Variants in CADPS observed in about 807,000 individuals in gnomAD.
CADPS encodes the protein calcium dependent secretion activator.
CADPS carries 57 observed loss-of-function variants against 167.3 expected under a neutral mutation model. That is an observed-to-expected ratio of 0.34 (90% CI 0.28 to 0.42). The LOEUF (loss-of-function observed/expected upper bound fraction) is 0.42, where lower values mean the gene tolerates loss of function less well. CADPS is among the 20% of genes least tolerant of loss of function. CADPS has a pLI of 1.00. For missense variants in CADPS, 1,414 were observed against 1,738.1 expected (o/e 0.81, Z 3.32); for synonymous variants, 676 against 635.3 (o/e 1.06, Z -0.96).
In CADPS at chr3:62,581,449, T is replaced by TAAAA. The variant is rs549450552; in HGVS notation, c.1577+3732_1577+3735dup. On this transcript the variant is annotated intron_variant, in intron 8 of 29. Transcript: ENST00000383710. ...TAAATTTTGAACCTGGTTAGAAAAT[T>TAAAA]AAAAAAAAAAAAAAAAAAGGAGTTC... 1.0e-3 allele frequency among the ~76,000 whole-genome samples: 121 copies of TAAAA among 121,484 alleles called. 2 individuals carry two copies. The highest frequency in any genetic ancestry group is 5.9e-3 in the South Asian group (23 of 3,900). 79.7% of individuals were successfully genotyped at this position (121,484 alleles called of 152,430 possible). A position where few individuals can be genotyped will look rare whatever the true frequency, so the allele number is the denominator to read the frequency against.
intron 3 of CADPS, among the ~76,000 whole-genome samples, chr3:62,674,314 G>T (rs2076015795): frequency 6.6e-6 from 1 of 152,134 alleles, no homozygotes; most frequent in African/African-American, 2.4e-5. Context: ...TGAGCAACAT[G>T]TCACAAATAT....
chr3:62,778,661 G>C (rs1218305103), intron 1 of CADPS, among the ~76,000 whole-genome samples: 1 of 152,114 alleles, frequency 6.6e-6, no homozygotes, highest in African/African-American at 2.4e-5. Context: ...ACCCACCACA[G>C]ACCCACTCAC....
At position 62,753,536 on chromosome 3, in the gene CADPS, C is replaced by G. The variant is rs771185889; in HGVS notation, c.793G>C (p.Glu265Gln). The part of the protein sequence containing the change: ...QARMTASAAS[E>Q]LILSKEQLYE... ...AGTTGCTCCTTGCTCAGAATCAGCT[C>G]GGAGGCTGCGCTGGCTGTCATCCGG... Residue 265 changes from glutamate (E) to glutamine (Q), a missense_variant, in exon 3 of 30, where the codon GAG (glutamate) becomes CAG (glutamine). Around this residue, in one of 6 missense-constraint regions of CADPS, gnomAD observed 522 missense variants for 559.5 expected, o/e 0.93. Coordinates refer to ENST00000383710, the MANE Select transcript of CADPS (RefSeq NM_003716.4). The surrounding 1 kb of genome is among the most constrained non-coding windows in gnomAD (Gnocchi z 4.6). 2.5e-6 allele frequency: 4 copies of G among 1,613,972 alleles called. No homozygotes were observed. Among genetic ancestry groups the G allele is most frequent in the Admixed American group, 1.7e-5 (1 of 59,980 alleles).
At chr3:62,459,099 G>A (rs770018656) in intron 26 of CADPS, among the ~76,000 whole-genome samples, 2 of 152,200 alleles carry the variant, frequency 1.3e-5, no homozygotes, top group Admixed American at 6.5e-5. Context: ...GGGAGTGGCT[G>A]ATGAAAGAAA....
At chr3:62,832,704 A>G (rs2075295299) in intron 1 of CADPS, among the ~76,000 whole-genome samples, 1 of 152,224 alleles carries the variant, frequency 6.6e-6, no homozygotes, top group South Asian at 2.1e-4. Flanking sequence ...GTGAAAACAC[A>G]AAGCTTTGCT....
intron 3 of CADPS, among the ~76,000 whole-genome samples, chr3:62,688,417 G>A (rs758893445): frequency 1.3e-5 from 2 of 152,062 alleles, no homozygotes; most frequent in Non-Finnish European, 2.9e-5. Context: ...TTGTCTGGAA[G>A]TGGTCAATAA....
intron 1 of CADPS, among the ~76,000 whole-genome samples, chr3:62,782,290 TCCAGCCAG>T (rs1389046604): frequency 6.6e-6 from 1 of 152,150 alleles, no homozygotes; most frequent in Non-Finnish European, 1.5e-5. Flanking sequence ...AATTCATCCA[TCCAGCCAG>T]CCAGCCAGCG....
At chr3:62,606,321 C>T (rs900879473) in intron 6 of CADPS, among the ~76,000 whole-genome samples, 25 of 152,106 alleles carry the variant, frequency 1.6e-4, no homozygotes, top group African/African-American at 6.0e-4. Flanking sequence ...GGACTCTGCC[C>T]ACATCAATAG....
At chr3:62,816,701 G>A (rs989578950) in intron 1 of CADPS, among the ~76,000 whole-genome samples, 1 of 151,674 alleles carries the variant, frequency 6.6e-6, no homozygotes, top group African/African-American at 2.4e-5. Flanking sequence ...AAGAAGTTGT[G>A]TATTCAGAAA....
intron 3 of CADPS, among the ~76,000 whole-genome samples, chr3:62,691,461 A>C (rs565066290): frequency 4.6e-5 from 7 of 152,110 alleles, no homozygotes. Context: ...CTTTCTGCTC[A>C]ATTTTGCTGT....
intron 6 of CADPS, among the ~76,000 whole-genome samples, chr3:62,615,809 A>C (rs569479872): frequency 1.2e-4 from 18 of 152,232 alleles, no homozygotes; most frequent in Non-Finnish European, 1.2e-4. Context: ...ATGATAAGTA[A>C]ATTTGTTGAC....
At chr3:62,589,785 A>G (rs2085507009) in intron 7 of CADPS, among the ~76,000 whole-genome samples, 1 of 152,174 alleles carries the variant, frequency 6.6e-6, no homozygotes, top group African/African-American at 2.4e-5. Context: ...AAGGATTTCA[A>G]TATGTCAGTG....
At chr3:62,481,391 G>C (rs2061992465) in intron 22 of CADPS, among the ~76,000 whole-genome samples, 1 of 152,150 alleles carries the variant, frequency 6.6e-6, no homozygotes, top group African/African-American at 2.4e-5. Flanking sequence ...CCACCAAAGA[G>C]GTTTCCTCCA....
At chr3:62,782,326 T>G (rs2091787348) in intron 1 of CADPS, among the ~76,000 whole-genome samples, 1 of 152,174 alleles carries the variant, frequency 6.6e-6, no homozygotes, top group Non-Finnish European at 1.5e-5. Context: ...CATGCACACA[T>G]CCACCCACCT....
chr3:62,447,494 G>T (rs1465256657), intron 26 of CADPS, among the ~76,000 whole-genome samples: 1 of 152,112 alleles, frequency 6.6e-6, no homozygotes, highest in East Asian at 1.9e-4. Flanking sequence ...GAGAGCAAAG[G>T]CTATCTTGGT....
chr3:62,497,016 G>A (rs986704590), intron 18 of CADPS, among the ~76,000 whole-genome samples: 3 of 152,162 alleles, frequency 2.0e-5, no homozygotes, highest in Non-Finnish European at 4.4e-5. Context: ...TGGGAATTGA[G>A]TTGATGTCTA....
Position 62,492,456 on chromosome 3 carries a change from T to A in CADPS, c.2728-10A>T. 6.2e-7 allele frequency: 1 copy of A among 1,610,954 alleles called. No homozygotes were observed. Among genetic ancestry groups the A allele is most frequent in the Non-Finnish European group, 8.5e-7 (1 of 1,177,966 alleles). On this transcript the variant is annotated splice_polypyrimidine_tract_variant and intron_variant, in intron 19 of 29. Transcript: ENST00000383710. ...ACCACCACGCAAAGGCCTTTAAAAT[T>A]TGGCAGAAAAACAATAGACAAAGAA...
intron 21 of CADPS, among the ~76,000 whole-genome samples, chr3:62,482,166 G>C (rs2062113323): frequency 6.6e-6 from 1 of 152,210 alleles, no homozygotes; most frequent in South Asian, 2.1e-4. Flanking sequence ...ATTGCCATAA[G>C]AGTCTAGAAC....
At chr3:62,671,945 T>G (rs2075592669) in intron 3 of CADPS, among the ~76,000 whole-genome samples, 1 of 152,010 alleles carries the variant, frequency 6.6e-6, no homozygotes, top group Non-Finnish European at 1.5e-5. Context: ...TAATTTATTT[T>G]AATTTTTTTT....
Sources: allele counts gnomAD v4.1 joint callset (sites outside exome capture counted in the v4.1 genomes callset), GRCh38; gene constraint gnomAD v4.1.1; regional missense constraint gnomAD v4.1.1; non-coding constraint Gnocchi (gnomAD v3.1); transcripts MANE v1.5; gene names NCBI Gene and HGNC (gene_info 2026-07-23, HGNC 2026-07-21).